Variants in ZSWIM7 observed in about 807,000 individuals in gnomAD.
ZSWIM7 encodes the protein zinc finger SWIM domain-containing protein 7.
ZSWIM7 carries 22 observed loss-of-function variants against 21.1 expected under a neutral mutation model. That is an observed-to-expected ratio of 1.04 (90% CI 0.74 to 1.49). The LOEUF (loss-of-function observed/expected upper bound fraction) is 1.49. ZSWIM7 is among the 40% of genes most tolerant of loss of function. ZSWIM7 has a pLI of 0.00. For synonymous variants in ZSWIM7, 67 were observed against 66.5 expected (o/e 1.01, Z -0.04); for missense variants, 193 against 168.0 (o/e 1.15, Z -0.82).
chr17:15,999,278 G>A (rs1970627702), intron 1 of ZSWIM7: 2 of 627,138 alleles, frequency 3.2e-6, no homozygotes, highest in Non-Finnish European at 5.6e-6. Flanking sequence ...TCCGACGGAG[G>A]GGCTCCTGCA....
At chr17:15,991,384 C>G (rs1016518831) in intron 2 of ZSWIM7, among the ~76,000 whole-genome samples, 7 of 152,036 alleles carry the variant, frequency 4.6e-5, no homozygotes, top group African/African-American at 1.7e-4. Flanking sequence ...GGTATATGTT[C>G]TTTTATGTGG....
chr17:15,993,772 T>A lies in ZSWIM7; in HGVS notation c.83A>T (p.Asp28Val). 2 of 1,503,266 alleles carry A rather than the reference T, an allele frequency of 1.3e-6. No homozygotes were observed. The highest frequency in any genetic ancestry group is 1.8e-6 in the Non-Finnish European group (2 of 1,088,600). The allele number at this position is 1,503,266 out of a possible 1,614,324, so 93.1% of individuals were successfully genotyped here. Residue 28 changes from aspartate (D) to valine (V), a missense_variant, in exon 2 of 5, where the codon GAT becomes GTT. Transcript: ENST00000399277. ...AAVQESARIPDEYLLSLKFLF... is the reference protein window; with the variant it reads ...AAVQESARIPVEYLLSLKFLF... Reference sequence around the variant, plus strand: ...ATGTACTTACGATAACAGATATTCATCAGGAACTGTAAAATGAGAATGGAA... The same window carrying A: ...ATGTACTTACGATAACAGATATTCAACAGGAACTGTAAAATGAGAATGGAA...
intron 1 of ZSWIM7, among the ~76,000 whole-genome samples, chr17:15,995,037 A>C (rs1970531425): frequency 6.6e-6 from 1 of 152,216 alleles, no homozygotes; most frequent in African/African-American, 2.4e-5. Context: ...AATTTTAAAC[A>C]TCTATTACTA....
At chr17:15,984,660 TTC>T (rs1370148355) in intron 3 of ZSWIM7, among the ~76,000 whole-genome samples, 2 of 152,252 alleles carry the variant, frequency 1.3e-5, no homozygotes, top group Admixed American at 1.3e-4. Flanking sequence ...TGTTTGGTGC[TTC>T]TCTCTGAAAA....
intron 2 of ZSWIM7, among the ~76,000 whole-genome samples, chr17:15,992,949 G>A (rs754619089): frequency 3.9e-5 from 6 of 152,050 alleles, no homozygotes; most frequent in Non-Finnish European, 5.9e-5. Context: ...CAATCGCAGC[G>A]AGATATGCAA....
intron 2 of ZSWIM7, among the ~76,000 whole-genome samples, chr17:15,993,496 A>G (rs1970510518): frequency 6.6e-6 from 1 of 151,844 alleles, no homozygotes; most frequent in Non-Finnish European, 1.5e-5. Context: ...CCTCCTGAGT[A>G]GCTGGGACTA....
At chr17:15,993,662 G>T in intron 2 of ZSWIM7, 95 bp downstream of exon 2, 1 of 1,018,060 alleles carries the variant, frequency 9.8e-7, no homozygotes, top group Non-Finnish European at 1.5e-6. Flanking sequence ...CACTGCGCCC[G>T]GTCAAGAGTA....
At chr17:15,993,440 C>T (rs1597442038) in intron 2 of ZSWIM7, among the ~76,000 whole-genome samples, 1 of 151,648 alleles carries the variant, frequency 6.6e-6, no homozygotes, top group Non-Finnish European at 1.5e-5. Flanking sequence ...GATCTTGGCT[C>T]ACTGCAACCT....
chr17:15,992,009 C>G (rs1481747454), intron 2 of ZSWIM7, among the ~76,000 whole-genome samples: 1 of 151,742 alleles, frequency 6.6e-6, no homozygotes, highest in Admixed American at 6.6e-5. Context: ...TCACTGCAAC[C>G]TCTGTCTCCT....
At chr17:15,979,594 C>G (rs1410270653) in intron 4 of ZSWIM7, among the ~76,000 whole-genome samples, 1 of 148,420 alleles carries the variant, frequency 6.7e-6, no homozygotes. Flanking sequence ...ACCTCCCGGA[C>G]GAGGCGGCTG....
Position 15,978,164 on chromosome 17 carries a change from C to T in ZSWIM7, c.307-1G>A. 6.2e-7 allele frequency: 1 copy of T among 1,612,208 alleles called. No individual in the cohort carries two copies. Among genetic ancestry groups the T allele is most frequent in the Non-Finnish European group, 8.5e-7 (1 of 1,178,278 alleles). ...GGTAAACTGCCAAGAGATGCTTGCA[C>T]TGGAATATAAAACACACACACCTAT... On this transcript the variant is annotated splice_acceptor_variant, in intron 4 of 4. Transcript: ENST00000399277. LOFTEE classifies it high-confidence loss of function.
intron 2 of ZSWIM7, among the ~76,000 whole-genome samples, chr17:15,988,080 A>T (rs996613671): frequency 5.9e-5 from 9 of 152,292 alleles, no homozygotes; most frequent in African/African-American, 2.2e-4. Flanking sequence ...TATATAGAAC[A>T]TATGTATGCA....
chr17:15,982,242 T>TAA (rs1970364446), intron 3 of ZSWIM7, among the ~76,000 whole-genome samples: 1 of 152,166 alleles, frequency 6.6e-6, no homozygotes, highest in African/African-American at 2.4e-5. Context: ...ATCCTTTGTT[T>TAA]AAGTCTCTCT....
intron 2 of ZSWIM7, among the ~76,000 whole-genome samples, chr17:15,992,924 T>G (rs113752820): frequency 1.3e-4 from 20 of 152,312 alleles, no homozygotes; most frequent in African/African-American, 4.8e-4. Flanking sequence ...TTACTTAGGC[T>G]GGAGTGCAAT....
Position 15,976,990 on chromosome 17 carries a change from C to T in ZSWIM7, c.*1057G>A, listed in dbSNP as rs1458554652. ...CTCATCGCTCTCCCTTCTAATACTC[C>T]TTCTGTCATCTATTTTGTCTTTTCT... On this transcript the variant is annotated 3_prime_UTR_variant, in exon 5 of 5. Coordinates refer to ENST00000399277, the MANE Select transcript of ZSWIM7 (RefSeq NM_001042697.2). The T allele has an allele frequency of 6.6e-6, 1 of 152,086 alleles. No homozygotes were observed. Among genetic ancestry groups the T allele is most frequent in the Non-Finnish European group, 1.5e-5 (1 of 68,024 alleles). 9.4% of individuals were successfully genotyped at this position (152,086 alleles called of 1,614,324 possible).
intron 1 of ZSWIM7, 112 bp downstream of exon 1, chr17:15,999,407 G>A: frequency 7.4e-7 from 1 of 1,356,608 alleles, no homozygotes; most frequent in Non-Finnish European, 1.0e-6. Context: ...GAACCACATG[G>A]AAAAAAGGCA....
Position 15,999,701 on chromosome 17 carries a change from GA to G in ZSWIM7, c.-108del, listed in dbSNP as rs1348799156. ...CCCCCCGCCGGGGCAGGGCGAGACG[GA>G]GTGACGTCGGGGCGCGTCATCGCGC... On this transcript the variant is annotated 5_prime_UTR_variant, in exon 1 of 5. Transcript: ENST00000399277. The G allele has an allele frequency of 6.4e-7, 1 of 1,553,632 alleles. No individual in the cohort carries two copies.
At chr17:15,983,509 A>G (rs1210694333) in intron 3 of ZSWIM7, among the ~76,000 whole-genome samples, 1 of 151,922 alleles carries the variant, frequency 6.6e-6, no homozygotes. Context: ...GTGGAAGCTT[A>G]CACTGAAGGA....
chr17:15,988,950 G>A (rs1278705360), intron 2 of ZSWIM7, among the ~76,000 whole-genome samples: 1 of 152,168 alleles, frequency 6.6e-6, no homozygotes, highest in Non-Finnish European at 1.5e-5. Flanking sequence ...AATCCGGGAG[G>A]TGGAGGTTGC....
Sources: allele counts gnomAD v4.1 joint callset (sites outside exome capture counted in the v4.1 genomes callset), GRCh38; gene constraint gnomAD v4.1.1; transcripts MANE v1.5; gene names NCBI Gene and HGNC (gene_info 2026-07-23, HGNC 2026-07-21).